Variants in L3MBTL4 observed in about 807,000 individuals in gnomAD.
L3MBTL4 encodes lethal(3)malignant brain tumor-like protein 4.
Under a neutral mutation model 84.5 loss-of-function variants are expected in L3MBTL4, and 70 were observed. The observed-to-expected ratio is 0.83, with a 90% CI of 0.68 to 1.01. The LOEUF is 1.01. Among genes scored for constraint, L3MBTL4 ranks in the 50% least tolerant of loss-of-function variants. L3MBTL4 has a pLI of 0.00. For synonymous variants in L3MBTL4, 274 were observed against 259.8 expected, an observed-to-expected ratio of 1.05 and a Z score of -0.52; for missense variants, 715 against 754.8, an observed-to-expected ratio of 0.95 and a Z score of 0.62.
At chr18:6,247,514 T>C (rs1172167714) in intron 5 of L3MBTL4, among the ~76,000 whole-genome samples, 1 of 142,246 alleles carries the variant, frequency 7.0e-6, no homozygotes, top group East Asian at 2.1e-4. Context: ...AGTCTCGCTG[T>C]GTCACCCAGG....
chr18:6,181,259 G>C (rs2044459485), intron 12 of L3MBTL4, among the ~76,000 whole-genome samples: 1 of 151,910 alleles, frequency 6.6e-6, no homozygotes, highest in African/African-American at 2.4e-5. Context: ...ATGTCACAGG[G>C]GTTTGGTATG....
intron 1 of L3MBTL4, chr18:6,395,385 C>T (rs1283867624): frequency 6.6e-6 from 1 of 152,098 alleles, no homozygotes; most frequent in Non-Finnish European, 1.5e-5. Context: ...ACCTGCTTCA[C>T]GAAATGTTCT....
chr18:6,041,706 C>T (rs569553627), intron 16 of L3MBTL4, among the ~76,000 whole-genome samples: 13 of 152,106 alleles, frequency 8.5e-5, no homozygotes, highest in East Asian at 3.9e-4. Context: ...CTTTTCTATG[C>T]GCCCAGTGGA....
At chr18:6,185,999 T>TTTATTTTATTTTATTTTATTTTA (rs1216629091) in intron 12 of L3MBTL4, among the ~76,000 whole-genome samples, 7 of 128,500 alleles carry the variant, frequency 5.4e-5, no homozygotes, top group African/African-American at 2.8e-4. Context: ...ATTTTATTAT[T>TTTATTTTATTTTATTTTATTTTA]TTATATTTTA....
At chr18:6,287,687 G>A (rs2049659594) in intron 4 of L3MBTL4, among the ~76,000 whole-genome samples, 1 of 152,186 alleles carries the variant, frequency 6.6e-6, no homozygotes, top group African/African-American at 2.4e-5. Flanking sequence ...TGCAGACCTT[G>A]GTAGGCTAAC....
chr18:6,214,108 C>G (rs1350954432), intron 11 of L3MBTL4, among the ~76,000 whole-genome samples: 1 of 152,190 alleles, frequency 6.6e-6, no homozygotes, highest in African/African-American at 2.4e-5. Flanking sequence ...TAAAAGCATA[C>G]TATGATGTAC....
chr18:6,178,358 A>G (rs1386879825), intron 12 of L3MBTL4, among the ~76,000 whole-genome samples: 5 of 152,182 alleles, frequency 3.3e-5, no homozygotes. Context: ...TCCTTATGAA[A>G]GATATTTTCA....
intron 13 of L3MBTL4, among the ~76,000 whole-genome samples, chr18:6,138,614 G>A (rs1040999626): frequency 5.3e-5 from 8 of 152,020 alleles, no homozygotes; most frequent in East Asian, 3.9e-4. Context: ...ATGCAGTGGC[G>A]CATCTCGGCT....
At chr18:6,040,811 C>T (rs2056367924) in intron 16 of L3MBTL4, among the ~76,000 whole-genome samples, 1 of 152,194 alleles carries the variant, frequency 6.6e-6, no homozygotes, top group Non-Finnish European at 1.5e-5. Context: ...GACCCTTATC[C>T]TGCCATTCCC....
At chr18:6,356,292 G>C (rs774744527) in intron 1 of L3MBTL4, among the ~76,000 whole-genome samples, 1 of 152,242 alleles carries the variant, frequency 6.6e-6, no homozygotes, top group Admixed American at 6.5e-5. Context: ...GCCAAACCTC[G>C]AAGAGGAGAT....
At chr18:6,146,004 G>A (rs887970057) in intron 13 of L3MBTL4, among the ~76,000 whole-genome samples, 1 of 152,230 alleles carries the variant, frequency 6.6e-6, no homozygotes, top group Non-Finnish European at 1.5e-5. Flanking sequence ...GGGAGGCAGA[G>A]AAGGAGTGCT....
intron 1 of L3MBTL4, among the ~76,000 whole-genome samples, chr18:6,382,485 T>G (rs1406184370): frequency 1.3e-5 from 2 of 152,198 alleles, no homozygotes; most frequent in Non-Finnish European, 2.9e-5. Context: ...CTTTGGTCTT[T>G]GATGTTGGTG....
intron 1 of L3MBTL4, among the ~76,000 whole-genome samples, chr18:6,390,887 A>T (rs1254856914): frequency 2.0e-5 from 3 of 152,214 alleles, no homozygotes; most frequent in African/African-American, 7.2e-5. Context: ...TTCACAGCTG[A>T]ATTCTACCAG....
intron 16 of L3MBTL4, among the ~76,000 whole-genome samples, chr18:6,027,888 A>AT (rs201528646): frequency 0.037 from 5,574 of 151,808 alleles, 178 homozygotes; most frequent in Non-Finnish European, 0.046. Flanking sequence ...GGGTTGTTTG[A>AT]TTTTTTCTCA....
intron 3 of L3MBTL4, among the ~76,000 whole-genome samples, chr18:6,310,093 C>T (rs2050759578): frequency 6.6e-6 from 1 of 152,164 alleles, no homozygotes; most frequent in Non-Finnish European, 1.5e-5. Context: ...GCTGATGCTG[C>T]TGGTCCAGGG....
chr18:6,312,043 C>T lies in L3MBTL4; in HGVS notation c.-77G>A, dbSNP rs2050860886. The T allele has an allele frequency of 6.4e-6, 1 of 157,224 alleles. No individual in the cohort carries two copies. 9.7% of individuals were successfully genotyped at this position (157,224 alleles called of 1,614,324 possible). ...GGTAAGAGGTCTTAGTCATACAAGG[C>T]ATAGCATAGCAATCTGAAACAGAAA... is the stretch of plus-strand genomic sequence containing the variant. On this transcript the variant is annotated 5_prime_UTR_variant, in exon 2 of 19. It removes an upstream start codon present in the reference 5' UTR. Transcript: ENST00000317931.
intron 1 of L3MBTL4, among the ~76,000 whole-genome samples, chr18:6,336,259 A>G (rs1286603692): frequency 1.3e-5 from 2 of 152,200 alleles, no homozygotes; most frequent in East Asian, 3.8e-4. Context: ...GCAAAAAAAA[A>G]AGGAGAAACT....
At chr18:6,090,593 T>C (rs7233669) in intron 15 of L3MBTL4, among the ~76,000 whole-genome samples, 1,629 of 86,746 alleles carry the variant, frequency 0.019, 19 homozygotes, top group East Asian at 0.096. Flanking sequence ...ATTATATATA[T>C]ACACACACAC....
chr18:6,108,164 C>T (rs1173829221), intron 14 of L3MBTL4, among the ~76,000 whole-genome samples: 1 of 152,090 alleles, frequency 6.6e-6, no homozygotes, highest in Non-Finnish European at 1.5e-5. Context: ...CAACTGCAGT[C>T]CAGGTTGTGG....
Sources: gnomAD v4.1 joint callset for allele counts (sites outside exome capture counted in the v4.1 genomes callset) on GRCh38, gnomAD v4.1.1 for gene constraint, MANE v1.5 for transcripts, NCBI Gene and HGNC (gene_info 2026-07-23, HGNC 2026-07-21) for gene names.